Variants in CHCHD6 observed in about 807,000 individuals in gnomAD.
The protein encoded by CHCHD6 is MICOS complex subunit MIC25.
A neutral mutation model predicts 32.3 loss-of-function variants in CHCHD6; 28 were observed. That is an observed-to-expected ratio of 0.87 (90% CI 0.64 to 1.19). The LOEUF (loss-of-function observed/expected upper bound fraction) is 1.19. Among genes scored for constraint, CHCHD6 ranks in the 50% most tolerant of loss-of-function variants. The pLI is 0.00. For missense variants in CHCHD6, 333 were observed against 307.0 expected, an observed-to-expected ratio of 1.08 and a Z score of -0.63; for synonymous variants, 122 against 117.5, an observed-to-expected ratio of 1.04 and a Z score of -0.25.
intron 2 of CHCHD6, 88 bp downstream of exon 2, chr3:126,727,274 G>A (rs1390220115): frequency 1.0e-5 from 9 of 893,606 alleles, no homozygotes; most frequent in Non-Finnish European, 1.6e-5. Context: ...ATGGCGCACA[G>A]GGCTCAGGTT....
intron 2 of CHCHD6, among the ~76,000 whole-genome samples, chr3:126,728,319 A>G (rs1339756039): frequency 6.6e-6 from 1 of 152,178 alleles, no homozygotes; most frequent in Non-Finnish European, 1.5e-5. Flanking sequence ...TACCAGGCTC[A>G]CGGGAGAAGA....
intron 4 of CHCHD6, among the ~76,000 whole-genome samples, chr3:126,815,625 T>C (rs569136752): frequency 1.4e-5 from 2 of 146,574 alleles, no homozygotes; most frequent in Non-Finnish European, 3.0e-5. Context: ...GCCCTTGCTG[T>C]TGCTCCTGTG....
intron 5 of CHCHD6, among the ~76,000 whole-genome samples, chr3:126,912,455 C>T (rs78119965): frequency 0.055 from 8,314 of 151,904 alleles, 299 homozygotes; most frequent in Middle Eastern, 0.18. Flanking sequence ...TTGGCAGCAG[C>T]TGGCTGTGGT....
At chr3:126,723,230 CTAT>C (rs140780577) in intron 1 of CHCHD6, among the ~76,000 whole-genome samples, 4,636 of 151,786 alleles carry the variant, frequency 0.031, 170 homozygotes, top group African/African-American at 0.08. Flanking sequence ...TACAGGGACT[CTAT>C]TATTATTATT....
chr3:126,865,525 T>A lies in CHCHD6; in HGVS notation c.495+12795T>A, dbSNP rs1942261696. The stretch of plus-strand genomic sequence containing the variant: ...ACCACCACCACCATCTCCACCATCC[T>A]CCATAACCTCCTCCTCCACGTCCAC... On this transcript the variant is annotated intron_variant, in intron 5 of 7. Coordinates refer to ENST00000290913, the MANE Select transcript of CHCHD6 (RefSeq NM_032343.3). 3 of 978,174 alleles carry A rather than the reference T, an allele frequency of 3.1e-6. No homozygotes were observed. In the Admixed American group the frequency reaches 1.9e-4, roughly 60 times the overall value. 60.6% of individuals were successfully genotyped at this position (978,174 alleles called of 1,614,324 possible).
At chr3:126,863,566 A>T (rs1182463145) in intron 5 of CHCHD6, among the ~76,000 whole-genome samples, 19 of 82,270 alleles carry the variant, frequency 2.3e-4, no homozygotes, top group African/African-American at 4.7e-4. Context: ...CTCCTCCTCC[A>T]CCATCACCAC....
Position 126,943,743 on chromosome 3 carries a change from A to C in CHCHD6, c.567-13673A>C, listed in dbSNP as rs182131480. 2.0e-3 allele frequency among the ~76,000 whole-genome samples: 308 copies of C among 152,230 alleles called. 7 individuals are homozygous for C. Among genetic ancestry groups the C allele is most frequent in the Admixed American group, 0.019 (293 of 15,300 alleles). ...TTCTTTGCAATACTTAGGGTTTACC[A>C]CGGTGTTCTGTGCAGCTCCAGTTTC... is the stretch of plus-strand genomic sequence containing the variant. On this transcript the variant is annotated intron_variant, in intron 6 of 7. Transcript: ENST00000290913.
At chr3:126,861,508 A>C (rs1395014747) in intron 5 of CHCHD6, among the ~76,000 whole-genome samples, 2 of 151,632 alleles carry the variant, frequency 1.3e-5, no homozygotes, top group African/African-American at 2.4e-5. Context: ...TGCCCCTGCC[A>C]CTGCCACCGC....
chr3:126,957,542 C>T lies in CHCHD6; in HGVS notation c.693C>T (p.Ala231=), dbSNP rs771592437. 34 of 1,568,900 alleles carry T rather than the reference C, an allele frequency of 2.2e-5. No individual in the cohort carries two copies. Among genetic ancestry groups the T allele is most frequent in the African/African-American group, 2.7e-5 (2 of 73,758 alleles). The change falls in exon 7 of 8, where the codon GCC becomes GCT. Residue 231 remains alanine, a synonymous_variant. Coordinates refer to ENST00000290913, the MANE Select transcript of CHCHD6 (RefSeq NM_032343.3). Reference sequence around the variant, plus strand: ...AGGCATACCAGCGCTGCGTGAGCGCCGCCCACAAGGTAAGGCCTTGCCTGC... The same window carrying T: ...AGGCATACCAGCGCTGCGTGAGCGCTGCCCACAAGGTAAGGCCTTGCCTGC... The part of the protein sequence containing the change: ...LVKAYQRCVS[A]AHKG
At chr3:126,730,691 C>A in intron 3 of CHCHD6, 61 bp downstream of exon 3, 1 of 1,388,114 alleles carries the variant, frequency 7.2e-7, no homozygotes, top group Non-Finnish European at 1.0e-6. Context: ...TCTTTCCTCA[C>A]TGGGTACCCC....
chr3:126,733,148 A>G lies in CHCHD6; in HGVS notation c.337A>G (p.Thr113Ala), dbSNP rs1338418056. ...QVAKREREAA[T>A]KHSKASLPTG... ...GGCAAAGAGGGAAAGAGAGGCTGCC[A>G]CCAAGCACTCCAAGGCATCCCTGCC... Residue 113 changes from threonine (T) to alanine (A), a missense_variant, in exon 4 of 8, where the codon ACC (threonine) becomes GCC (alanine). Transcript: ENST00000290913. 1 of 1,614,190 alleles carries G rather than the reference A, an allele frequency of 6.2e-7. No homozygotes were observed. Among genetic ancestry groups the G allele is most frequent in the Non-Finnish European group, 8.5e-7 (1 of 1,180,020 alleles).
chr3:126,830,056 C>T lies in CHCHD6; in HGVS notation c.412-22591C>T, dbSNP rs138789943. Among the ~76,000 whole-genome samples the T allele has an allele frequency of 2.3e-3, 357 of 152,288 alleles. 3 individuals carry two copies. The highest frequency in any genetic ancestry group is 1.8e-3 in the Non-Finnish European group (122 of 68,030). ...GAGGTTGCAGTGAGCCGAGATCGCA[C>T]CACTGCACTCCAGCTTGGGCCACAG... On this transcript the variant is annotated intron_variant, in intron 4 of 7. Coordinates refer to ENST00000290913, the MANE Select transcript of CHCHD6 (RefSeq NM_032343.3).
chr3:126,706,483 T>C (rs1934494312), intron 1 of CHCHD6, among the ~76,000 whole-genome samples: 1 of 152,128 alleles, frequency 6.6e-6, no homozygotes, highest in Non-Finnish European at 1.5e-5. Context: ...ACAATACCCA[T>C]ACCTGTCCTG....
chr3:126,889,215 G>GC (rs1204309923), intron 5 of CHCHD6, among the ~76,000 whole-genome samples: 2 of 152,122 alleles, frequency 1.3e-5, no homozygotes, highest in East Asian at 3.9e-4. Context: ...GGAGAGAAGG[G>GC]CCCAGGGCAG....
At chr3:126,783,914 C>G (rs898934966) in intron 4 of CHCHD6, among the ~76,000 whole-genome samples, 12 of 151,942 alleles carry the variant, frequency 7.9e-5, no homozygotes, top group Admixed American at 7.9e-4. Flanking sequence ...GAACTTGGAT[C>G]AGAAAGAGAT....
At chr3:126,776,661 A>G (rs1937662731) in intron 4 of CHCHD6, among the ~76,000 whole-genome samples, 2 of 152,248 alleles carry the variant, frequency 1.3e-5, no homozygotes, top group South Asian at 4.1e-4. Flanking sequence ...CTTTACATAT[A>G]ATCATTTAAT....
chr3:126,844,095 C>T (rs1389609702), intron 4 of CHCHD6, among the ~76,000 whole-genome samples: 1 of 152,164 alleles, frequency 6.6e-6, no homozygotes, highest in Non-Finnish European at 1.5e-5. Context: ...ATAGAACATA[C>T]TTTGTGTGAT....
intron 4 of CHCHD6, 72 bp from the exon 5 acceptor site, chr3:126,852,575 C>T (rs1475239811): frequency 1.0e-5 from 11 of 1,053,238 alleles, no homozygotes; most frequent in South Asian, 2.6e-5. Context: ...AAATGTCCGT[C>T]GCCTTCTCCC....
At chr3:126,707,164 G>A (rs1208581527) in intron 1 of CHCHD6, among the ~76,000 whole-genome samples, 1 of 151,928 alleles carries the variant, frequency 6.6e-6, no homozygotes, top group Admixed American at 6.6e-5. Context: ...CTACTTGGGA[G>A]GCTGAGGTAG....
Sources: allele counts gnomAD v4.1 joint callset (sites outside exome capture counted in the v4.1 genomes callset), GRCh38; gene constraint gnomAD v4.1.1; transcripts MANE v1.5; gene names NCBI Gene and HGNC (gene_info 2026-07-23, HGNC 2026-07-21).